XXYLT1: variants seen among roughly 807,000 people sequenced by gnomAD.
XXYLT1 encodes xyloside xylosyltransferase 1, also known as UDP-xylose:alpha-xyloside alpha-1,3-xylosyltransferase.
In XXYLT1, 20 loss-of-function variants were observed where a neutral mutation model predicts 28.9. That is an observed-to-expected ratio of 0.69 (90% CI 0.49 to 1.00). XXYLT1 has a LOEUF of 1.00. Among genes scored for constraint, XXYLT1 ranks in the 50% least tolerant of loss-of-function variants. The pLI, the probability that XXYLT1 is intolerant of heterozygous loss-of-function variation, is 0.00. For missense variants in XXYLT1, 542 were observed against 560.1 expected, an observed-to-expected ratio of 0.97 and a Z score of 0.33; for synonymous variants, 257 against 253.8, an observed-to-expected ratio of 1.01 and a Z score of -0.12.
chr3:195,198,162 G>A (rs938214369), intron 2 of XXYLT1, among the ~76,000 whole-genome samples: 1 of 152,176 alleles, frequency 6.6e-6, no homozygotes, highest in Non-Finnish European at 1.5e-5. Flanking sequence ...AAATTAAGGT[G>A]CATTTCCTGA....
chr3:195,227,042 T>C lies in XXYLT1; in HGVS notation c.505-186A>G, dbSNP rs561005635. Among the ~76,000 whole-genome samples the C allele has an allele frequency of 3.3e-5, 5 of 152,030 alleles. No individual in the cohort carries two copies. The East Asian group carries it at 7.8e-4, about 24-fold the overall frequency. ...AACGAGAAACAACCAGGAGTCAGAA[T>C]TGAGGCCGCACTAAGGAGATGGGGA... On this transcript the variant is annotated intron_variant, in intron 1 of 3. Coordinates refer to ENST00000310380, the MANE Select transcript of XXYLT1 (RefSeq NM_152531.5).
intron 1 of XXYLT1, among the ~76,000 whole-genome samples, chr3:195,248,101 C>T (rs1018170481): frequency 3.3e-5 from 5 of 152,134 alleles, no homozygotes; most frequent in Admixed American, 6.5e-5. Flanking sequence ...ATCCAGTGCT[C>T]GCTGAGATTG....
At chr3:195,171,090 T>C (rs1157653456) in intron 2 of XXYLT1, among the ~76,000 whole-genome samples, 1 of 152,202 alleles carries the variant, frequency 6.6e-6, no homozygotes, top group Non-Finnish European at 1.5e-5. Flanking sequence ...CCTAAAGTGA[T>C]ACAGACCATC....
chr3:195,160,313 G>C, intron 2 of XXYLT1, among the ~76,000 whole-genome samples: 1 of 152,326 alleles, frequency 6.6e-6, no homozygotes, highest in East Asian at 1.9e-4. Context: ...CCATGCAAGC[G>C]CCTCCTCTGT....
intron 2 of XXYLT1, among the ~76,000 whole-genome samples, chr3:195,158,487 A>G (rs1321140372): frequency 6.6e-6 from 1 of 152,244 alleles, no homozygotes; most frequent in African/African-American, 2.4e-5. Flanking sequence ...TAAACCCAGA[A>G]AGGTCCTATG....
At chr3:195,109,338 T>A (rs1717326082) in intron 3 of XXYLT1, among the ~76,000 whole-genome samples, 1 of 147,486 alleles carries the variant, frequency 6.8e-6, no homozygotes, top group Admixed American at 6.6e-5. Flanking sequence ...GCCAGCAGCG[T>A]GTGTGTGCGT....
intron 2 of XXYLT1, among the ~76,000 whole-genome samples, chr3:195,202,141 C>T (rs979341251): frequency 1.3e-5 from 2 of 152,148 alleles, no homozygotes; most frequent in Non-Finnish European, 2.9e-5. Flanking sequence ...CGTGCCACTG[C>T]ACTCCTGCCT....
At chr3:195,153,217 T>C (rs988349649) in intron 3 of XXYLT1, among the ~76,000 whole-genome samples, 2 of 152,214 alleles carry the variant, frequency 1.3e-5, no homozygotes, top group African/African-American at 2.4e-5. Flanking sequence ...CAGCAGATAA[T>C]TAATGCCGGA....
intron 3 of XXYLT1, among the ~76,000 whole-genome samples, chr3:195,144,767 A>G (rs1719744450): frequency 6.6e-6 from 1 of 152,056 alleles, no homozygotes; most frequent in African/African-American, 2.4e-5. Context: ...TGTTTCCTTG[A>G]TCCTCTGTGT....
intron 3 of XXYLT1, chr3:195,122,008 C>T (rs1009599795): frequency 1.4e-6 from 1 of 702,676 alleles, no homozygotes; most frequent in Admixed American, 2.0e-5. Flanking sequence ...CCATAAACCA[C>T]AGAAGTCAAG....
At chr3:195,073,379 G>C in intron 3 of XXYLT1, among the ~76,000 whole-genome samples, 1 of 152,182 alleles carries the variant, frequency 6.6e-6, no homozygotes, top group Non-Finnish European at 1.5e-5. Flanking sequence ...ATATTCAGGG[G>C]CACTGTCTGT....
At position 195,076,311 on chromosome 3, in the gene XXYLT1, GGAA is replaced by G. The variant is rs953751844; in HGVS notation, c.786-6203_786-6201del. Reference sequence around the variant, plus strand: ...ACCCCACACCCACCCGTTCCAGAGAGGAAGAAGCCCGCACGGGGTCACGGGGCC... The same window carrying G: ...ACCCCACACCCACCCGTTCCAGAGAGGAAGCCCGCACGGGGTCACGGGGCC... On this transcript the variant is annotated intron_variant, in intron 3 of 3. Coordinates refer to ENST00000310380, the MANE Select transcript of XXYLT1 (RefSeq NM_152531.5). This position sits in a 1 kb window ranked among gnomAD's most constrained non-coding sequence, Gnocchi z 5.3. Among the ~76,000 whole-genome samples the G allele has an allele frequency of 6.7e-6, 1 of 149,480 alleles. No homozygotes were observed. The highest frequency in any genetic ancestry group is 1.5e-5 in the Non-Finnish European group (1 of 67,554).
intron 3 of XXYLT1, among the ~76,000 whole-genome samples, chr3:195,151,962 C>G (rs1193988850): frequency 6.6e-6 from 1 of 152,158 alleles, no homozygotes; most frequent in African/African-American, 2.4e-5. Flanking sequence ...TCCACTATTA[C>G]TTCATTTGAG....
chr3:195,137,726 G>C (rs930235160), intron 3 of XXYLT1, among the ~76,000 whole-genome samples: 1 of 152,202 alleles, frequency 6.6e-6, no homozygotes, highest in African/African-American at 2.4e-5. Context: ...AAAGGGAGAG[G>C]GCTCTGATGG....
In XXYLT1 at chr3:195,170,384, C is replaced by T. The variant is rs542415424; in HGVS notation, c.653-13803G>A. 2.6e-5 allele frequency among the ~76,000 whole-genome samples: 4 copies of T among 152,250 alleles called. No homozygotes were observed. The East Asian group carries it at 7.7e-4, about 29-fold the overall frequency. ...GAGATTTAAGGCATTTAGCCATGACCGCAACTTTCTTTAGGATTCCTTCTC... is the reference window on the plus strand; with the variant it reads ...GAGATTTAAGGCATTTAGCCATGACTGCAACTTTCTTTAGGATTCCTTCTC... On this transcript the variant is annotated intron_variant, in intron 2 of 3. Transcript: ENST00000310380.
At chr3:195,214,608 G>C (rs1329681359) in intron 2 of XXYLT1, among the ~76,000 whole-genome samples, 5 of 152,142 alleles carry the variant, frequency 3.3e-5, no homozygotes, top group African/African-American at 1.2e-4. Flanking sequence ...TGGCGCCCTT[G>C]TGTCTGCTTT....
intron 3 of XXYLT1, among the ~76,000 whole-genome samples, chr3:195,110,476 TGTGTGTATGTG>T (rs1717572197): frequency 1.3e-4 from 3 of 23,984 alleles, no homozygotes; most frequent in East Asian, 7.8e-4. Context: ...GGGTGAGGTG[TGTGTGTATGTG>T]GTGTATGTGT....
chr3:195,212,047 C>T lies in XXYLT1; in HGVS notation c.652+14662G>A, dbSNP rs59533106. On this transcript the variant is annotated intron_variant, in intron 2 of 3. Coordinates refer to ENST00000310380, the MANE Select transcript of XXYLT1 (RefSeq NM_152531.5). ...AGAGGGGGCAAGCCACAGAATGCCA[C>T]CGGGAAGATCTGGAGGAGGAGAGGG... 1.3e-3 allele frequency among the ~76,000 whole-genome samples: 187 copies of T among 143,496 alleles called. 3 individuals carry two copies. The East Asian group carries it at 0.038, about 29-fold the overall frequency. The allele number at this position is 143,496 out of a possible 152,430, so 94.1% of individuals were successfully genotyped here.
chr3:195,183,176 C>T (rs1319272217), intron 2 of XXYLT1, among the ~76,000 whole-genome samples: 1 of 152,178 alleles, frequency 6.6e-6, no homozygotes, highest in South Asian at 2.1e-4. Context: ...TGTGGTTTGG[C>T]TGTGTCCCCA....
Sources: gnomAD v4.1 joint callset for allele counts (sites outside exome capture counted in the v4.1 genomes callset) on GRCh38, gnomAD v4.1.1 for gene constraint, Gnocchi (gnomAD v3.1) non-coding constraint, MANE v1.5 for transcripts, NCBI Gene and HGNC (gene_info 2026-07-23, HGNC 2026-07-21) for gene names.